The following PIWIL2 variants were observed in gnomAD, a reference collection of about 807,000 sequenced individuals.
PIWIL2 encodes the protein piwi like RNA-mediated gene silencing 2, also known as piwi-like protein 2.
A neutral mutation model predicts 116.5 loss-of-function variants in PIWIL2; 81 were observed. The ratio of observed to expected loss-of-function variants is 0.70; its 90% confidence interval spans 0.58 to 0.84. PIWIL2 has a LOEUF of 0.84. Among genes scored for constraint, PIWIL2 ranks in the 40% least tolerant of loss-of-function variants. PIWIL2 has a pLI of 0.00. For missense variants in PIWIL2, 1,272 were observed against 1,212.3 expected, an observed-to-expected ratio of 1.05 and a Z score of -0.73; for synonymous variants, 489 against 429.5, an observed-to-expected ratio of 1.14 and a Z score of -1.71.
intron 20 of PIWIL2, among the ~76,000 whole-genome samples, chr8:22,351,087 A>T (rs1832342337): frequency 6.6e-6 from 1 of 151,844 alleles, no homozygotes; most frequent in African/African-American, 2.4e-5. Flanking sequence ...GGTGGCAGAG[A>T]TTTCAGTAAG....
chr8:22,345,325 A>G (rs1255720221), intron 20 of PIWIL2, among the ~76,000 whole-genome samples: 1 of 152,238 alleles, frequency 6.6e-6, no homozygotes, highest in East Asian at 1.9e-4. Flanking sequence ...ACTTATACAC[A>G]AATGTTCGTA....
In PIWIL2 at chr8:22,309,989, G is replaced by A. The variant is rs779755341; in HGVS notation, c.1715G>A (p.Arg572Lys). ...GAAGGACGTGTTCTGCCAATGGAAA[G>A]AATTAACTTAAAAAATACTTCGTTT... is the stretch of plus-strand genomic sequence containing the variant. ...KIEGRVLPMERINLKNTSFIT... is the reference protein window; with the variant it reads ...KIEGRVLPMEKINLKNTSFIT... Residue 572 changes from arginine to lysine, a missense_variant, in exon 15 of 23, where the codon AGA becomes AAA. Arg to Lys is a conservative substitution (Grantham distance 26). Coordinates refer to ENST00000356766, the MANE Select transcript of PIWIL2 (RefSeq NM_018068.5). The A allele has an allele frequency of 6.2e-7, 1 of 1,609,350 alleles. No homozygotes were observed.
At chr8:22,276,610 G>T (rs1175418116) in intron 1 of PIWIL2, among the ~76,000 whole-genome samples, 1 of 152,126 alleles carries the variant, frequency 6.6e-6, no homozygotes, top group East Asian at 1.9e-4. Context: ...CACCACCCCC[G>T]GCCAAGACAG....
rs1230094184 is a variant in PIWIL2, at chr8:22,279,438, C to T, written c.52C>T (p.Gln18Ter). 3.1e-6 allele frequency: 5 copies of T among 1,614,178 alleles called. No individual in the cohort carries two copies. Among genetic ancestry groups the T allele is most frequent in the South Asian group, 2.2e-5 (2 of 91,086 alleles). Residue 18 changes from glutamine (Q) to a stop codon, truncating the protein, a stop_gained, in exon 2 of 23, where the codon CAG becomes TAG. Transcript: ENST00000356766. LOFTEE classifies it high-confidence loss of function. ...GGGCCAGTCTCCTATCCACCCATCCCAGTGCCAGGCTGTACGGATGCCAGG... is the reference window on the plus strand; with the variant it reads ...GGGCCAGTCTCCTATCCACCCATCCTAGTGCCAGGCTGTACGGATGCCAGG... Reference protein sequence around the residue: ...FRGQSPIHPSQCQAVRMPGCW... With the variant: ...FRGQSPIHPS
In PIWIL2 at chr8:22,288,547, T is replaced by C. The variant is rs140946106; in HGVS notation, c.867T>C (p.Leu289=). ...LYLPVKLQQV[L]ELKSQRKTDS... is the part of the protein sequence containing the mutation. The stretch of plus-strand genomic sequence containing the variant: ...TGTGTGTATTTATTTGTTAGGTTCT[T>C]GAGTTAAAAAGTCAAAGGAAAACAG... The change falls in exon 8 of 23, where the codon CTT becomes CTC. Residue 289 remains leucine (L), a synonymous_variant. Transcript: ENST00000356766. 341 of 1,612,338 alleles carry C rather than the reference T, an allele frequency of 2.1e-4. 2 individuals carry two copies. In the African/African-American group the frequency reaches 4.2e-3, roughly 20 times the overall value.
At chr8:22,309,479 C>T (rs1033706592) in intron 14 of PIWIL2, among the ~76,000 whole-genome samples, 2 of 152,052 alleles carry the variant, frequency 1.3e-5, no homozygotes, top group Non-Finnish European at 2.9e-5. Context: ...CTGGGGACTA[C>T]AGGCATGCGC....
Position 22,336,791 on chromosome 8 carries a change from G to C in PIWIL2, c.2404-16168G>C, listed in dbSNP as rs999181486. On this transcript the variant is annotated intron_variant, in intron 20 of 22. Transcript: ENST00000356766. ...GCATAAATAAATGAAATGGAGACTA[G>C]AAAAACAATAGAATCAATGAAGCCA... 2.0e-5 allele frequency among the ~76,000 whole-genome samples: 3 copies of C among 152,176 alleles called. No individual in the cohort carries two copies. The East Asian group carries it at 5.8e-4, about 29-fold the overall frequency.
intron 20 of PIWIL2, among the ~76,000 whole-genome samples, chr8:22,338,506 C>A (rs187688637): frequency 1.8e-4 from 27 of 152,172 alleles, no homozygotes; most frequent in Non-Finnish European, 3.4e-4. Flanking sequence ...GCCTGGCCAA[C>A]ATGGCAAAAC....
rs189368070 is a variant in PIWIL2, at chr8:22,318,247, T to G, written c.2375T>G (p.Leu792Arg). ...ATTGTGGACAGCCTGAAGCTATGCC[T>G]CGTGGGCTCCTTAAAAAAGTTTTAT... is the stretch of plus-strand genomic sequence containing the variant. The part of the protein sequence containing the change: ...QEIVDSLKLC[L>R]VGSLKKFYEV... The change falls in exon 20 of 23, where the codon CTC becomes CGC. Residue 792 changes from leucine (L) to arginine (R), a missense_variant. Coordinates refer to ENST00000356766, the MANE Select transcript of PIWIL2 (RefSeq NM_018068.5). 1 of 1,610,348 alleles carries G rather than the reference T, an allele frequency of 6.2e-7. No individual in the cohort carries two copies.
At position 22,279,362 on chromosome 8, in the gene PIWIL2, G is replaced by A. The variant is rs540449946; in HGVS notation, c.-25G>A. On this transcript the variant is annotated 5_prime_UTR_variant, in exon 2 of 23. Transcript: ENST00000356766. ...GCAGGTAATTAACCAGAACAGGATC[G>A]ACACGTGTTCTCTACAGCCCGTCCA... 27 of 1,580,942 alleles carry A rather than the reference G, an allele frequency of 1.7e-5. No homozygotes were observed. The highest frequency in any genetic ancestry group is 2.2e-5 in the East Asian group (1 of 44,708).
chr8:22,332,572 A>G lies in PIWIL2; in HGVS notation c.2403+14297A>G, dbSNP rs534627924. On this transcript the variant is annotated intron_variant, in intron 20 of 22. Coordinates refer to ENST00000356766, the MANE Select transcript of PIWIL2 (RefSeq NM_018068.5). ...CTGTTGAGGGTAAAGATAAATATATATATAGTAAGAACAGTCAAGGAAAAA... is the reference window on the plus strand; with the variant it reads ...CTGTTGAGGGTAAAGATAAATATATGTATAGTAAGAACAGTCAAGGAAAAA... Among the ~76,000 whole-genome samples, 12 of 152,200 alleles carry G rather than the reference A, an allele frequency of 7.9e-5. No individual in the cohort carries two copies. In the South Asian group the frequency reaches 2.3e-3, roughly 29 times the overall value.
chr8:22,279,366 C>G lies in PIWIL2; in HGVS notation c.-21C>G. 1.3e-6 allele frequency: 2 copies of G among 1,597,018 alleles called. No homozygotes were observed. The highest frequency in any genetic ancestry group is 1.7e-6 in the Non-Finnish European group (2 of 1,164,462). On this transcript the variant is annotated 5_prime_UTR_variant, in exon 2 of 23. Coordinates refer to ENST00000356766, the MANE Select transcript of PIWIL2 (RefSeq NM_018068.5). ...GTAATTAACCAGAACAGGATCGACACGTGTTCTCTACAGCCCGTCCATGGA... is the reference window on the plus strand; with the variant it reads ...GTAATTAACCAGAACAGGATCGACAGGTGTTCTCTACAGCCCGTCCATGGA...
intron 19 of PIWIL2, 56 bp from the exon 20 acceptor site, chr8:22,318,114 C>A: frequency 2.7e-6 from 3 of 1,091,896 alleles, no homozygotes; most frequent in Non-Finnish European, 4.2e-6. Context: ...TAGGCTGTCC[C>A]CTTCGAGCAT....
chr8:22,304,381 G>A (rs1429241614), intron 11 of PIWIL2, among the ~76,000 whole-genome samples, 172 bp downstream of exon 11: 1 of 152,142 alleles, frequency 6.6e-6, no homozygotes, highest in Non-Finnish European at 1.5e-5. Context: ...ACTTGAGTAT[G>A]CTACCATTAT....
chr8:22,351,118 T>C (rs1832342998), intron 20 of PIWIL2, among the ~76,000 whole-genome samples: 1 of 151,510 alleles, frequency 6.6e-6, no homozygotes, highest in African/African-American at 2.4e-5. Flanking sequence ...ATCACTGCAC[T>C]TCAGCCTGGG....
intron 20 of PIWIL2, among the ~76,000 whole-genome samples, chr8:22,334,885 T>G (rs1831944391): frequency 6.6e-6 from 1 of 151,988 alleles, no homozygotes; most frequent in African/African-American, 2.4e-5. Flanking sequence ...TGAAACCTCA[T>G]CTCTGCTAAA....
Position 22,354,325 on chromosome 8 carries a change from G to A in PIWIL2, c.2712G>A (p.Thr904=), listed in dbSNP as rs779711813. The A allele has an allele frequency of 1.4e-5, 23 of 1,613,526 alleles. No homozygotes were observed. The highest frequency in any genetic ancestry group is 1.6e-4 in the Middle Eastern group (1 of 6,082). The change falls in exon 22 of 23, where the codon ACG becomes ACA. Residue 904 remains threonine, a synonymous_variant. Transcript: ENST00000356766. ...TACGGCAGGGCTGTGGCATTCCTAC[G>A]CATTATGTCTGTGTTCTCAACACCG... ...HHVRQGCGIP[T]HYVCVLNTAN...
intron 20 of PIWIL2, among the ~76,000 whole-genome samples, chr8:22,328,810 C>G (rs938930026): frequency 7.9e-6 from 1 of 125,824 alleles, no homozygotes; most frequent in African/African-American, 2.9e-5. Flanking sequence ...TGGTTATGAG[C>G]TCTAGTCGTT....
At position 22,287,609 on chromosome 8, in the gene PIWIL2, T is replaced by G; in HGVS notation, c.825T>G (p.Asp275Glu). 6.2e-7 allele frequency: 1 copy of G among 1,612,310 alleles called. No homozygotes were observed. The highest frequency in any genetic ancestry group is 8.5e-7 in the Non-Finnish European group (1 of 1,178,290). The change falls in exon 7 of 23, where the codon GAT becomes GAG. Residue 275 changes from aspartate (D) to glutamate (E), a missense_variant. Asp to Glu is a conservative substitution (Grantham distance 45, BLOSUM62 2). Transcript: ENST00000356766. ...QAVTGNVTAF[D>E]GSILYLPVKL... is the part of the protein sequence containing the mutation. ...TCACCGGCAACGTCACTGCGTTTGATGGATCTATTCTCTATCTGCCTGTTA... is the reference window on the plus strand; with the variant it reads ...TCACCGGCAACGTCACTGCGTTTGAGGGATCTATTCTCTATCTGCCTGTTA...
Sources: allele counts gnomAD v4.1 joint callset (sites outside exome capture counted in the v4.1 genomes callset), GRCh38; gene constraint gnomAD v4.1.1; transcripts MANE v1.5; gene names NCBI Gene and HGNC (gene_info 2026-07-23, HGNC 2026-07-21).